The following PTPN2 variants were observed in gnomAD, a reference collection of about 807,000 sequenced individuals.
PTPN2 encodes protein tyrosine phosphatase non-receptor type 2, also known as tyrosine-protein phosphatase non-receptor type 2.
Under a neutral mutation model 57.3 loss-of-function variants are expected in PTPN2, and 19 were observed. The ratio of observed to expected loss-of-function variants is 0.33; its 90% confidence interval spans 0.23 to 0.49. The LOEUF is 0.49. PTPN2 is among the 20% of genes least tolerant of loss of function. The pLI is 0.99. For missense variants in PTPN2, 358 were observed against 501.1 expected (o/e 0.71, Z 2.73); for synonymous variants, 153 against 164.9 (o/e 0.93, Z 0.55).
Position 12,851,433 on chromosome 18 carries a change from T to C in PTPN2, c.160+7731A>G, listed in dbSNP as rs1384875123. On this transcript the variant is annotated intron_variant, in intron 2 of 8. Transcript: ENST00000309660. ...GGCGGAGCTTGCAGTGAGCCGAGAT[T>C]GCGCCACTGCAGTCCGCAGTCCGGC... Among the ~76,000 whole-genome samples, 2 of 8,926 alleles carry C rather than the reference T, an allele frequency of 2.2e-4. 1 individual carries two copies. The highest frequency in any genetic ancestry group is 9.6e-4 in the Non-Finnish European group (2 of 2,080). 5.9% of individuals were successfully genotyped at this position (8,926 alleles called of 152,430 possible).
At chr18:12,844,403 C>T (rs1179945250) in intron 2 of PTPN2, among the ~76,000 whole-genome samples, 4 of 152,196 alleles carry the variant, frequency 2.6e-5, no homozygotes, top group Admixed American at 2.0e-4. Flanking sequence ...TTCCCACCAC[C>T]CATATATGAG....
rs1598871527 is a variant in PTPN2 at position 12,862,924 on chromosome 18, G to A, written c.70-3670C>T. On this transcript the variant is annotated intron_variant, in intron 1 of 8. Coordinates refer to ENST00000309660, the MANE Select transcript of PTPN2 (RefSeq NM_002828.4). ...TAGCTAAATCAGGTCTGTAATATACGCAGCAAAACCAAATCTCAACAGCAA... is the reference window on the plus strand; with the variant it reads ...TAGCTAAATCAGGTCTGTAATATACACAGCAAAACCAAATCTCAACAGCAA... Among the ~76,000 whole-genome samples, 7 of 133,782 alleles carry A rather than the reference G, an allele frequency of 5.2e-5. No homozygotes were observed. The South Asian group carries it at 1.5e-3, about 28-fold the overall frequency. The allele number at this position is 133,782 out of a possible 152,430, so 87.8% of individuals were successfully genotyped here.
chr18:12,844,533 T>A (rs1056353232), intron 2 of PTPN2, among the ~76,000 whole-genome samples: 2 of 152,210 alleles, frequency 1.3e-5, no homozygotes, highest in African/African-American at 4.8e-5. Context: ...GCTAATGAAG[T>A]TTTTTATATG....
chr18:12,859,247 C>T lies in PTPN2; in HGVS notation c.77G>A (p.Arg26Gln). 6.2e-7 allele frequency: 1 copy of T among 1,607,630 alleles called. No individual in the cohort carries two copies. Among genetic ancestry groups the T allele is most frequent in the Non-Finnish European group, 8.5e-7 (1 of 1,176,202 alleles). ...RRWQPLYLEI[R>Q]NESHDYPHRV... ...ATGAGGATAGTCATGGGACTCATTT[C>T]GAATTTCCTTAAAATAACAAAAATA... The change falls in exon 2 of 9, where the codon CGA (arginine) becomes CAA (glutamine). Residue 26 changes from arginine to glutamine, a missense_variant. Physicochemically the swap from Arg to Gln is conservative, Grantham distance 43 (BLOSUM62 1). This residue lies in a region of PTPN2 where 62 missense variants were observed against 47.9 expected (regional missense o/e 1.29). Coordinates refer to ENST00000309660, the MANE Select transcript of PTPN2 (RefSeq NM_002828.4).
At chr18:12,860,171 CCCAGCTACT>C (rs2043745366) in intron 1 of PTPN2, among the ~76,000 whole-genome samples, 2 of 152,116 alleles carry the variant, frequency 1.3e-5, no homozygotes, top group Non-Finnish European at 2.9e-5. Context: ...TGCCTGTAAT[CCCAGCTACT>C]CGGGAGGCTG....
chr18:12,805,345 C>T (rs1598748175), intron 7 of PTPN2, among the ~76,000 whole-genome samples: 1 of 151,596 alleles, frequency 6.6e-6, no homozygotes, highest in Admixed American at 6.6e-5. Flanking sequence ...TAATCCCAGC[C>T]ACTCAGGTGG....
intron 5 of PTPN2, chr18:12,821,257 A>C (rs1330552045): frequency 1.3e-5 from 2 of 152,226 alleles, no homozygotes; most frequent in Admixed American, 6.5e-5. Context: ...TAAAACAATT[A>C]ATGTGAAGTG....
intron 1 of PTPN2, among the ~76,000 whole-genome samples, chr18:12,860,336 T>G (rs1307241023): frequency 6.7e-6 from 1 of 149,664 alleles, no homozygotes; most frequent in Non-Finnish European, 1.5e-5. Flanking sequence ...CGGTGGCTCA[T>G]GCCTGTAATC....
chr18:12,813,485 G>A (rs979544330), intron 7 of PTPN2, among the ~76,000 whole-genome samples: 2 of 152,138 alleles, frequency 1.3e-5, no homozygotes, highest in African/African-American at 2.4e-5. Context: ...CCAATGGTCC[G>A]ATCTAATTTA....
intron 1 of PTPN2, chr18:12,880,383 G>A (rs2044629851): frequency 6.6e-6 from 1 of 152,220 alleles, no homozygotes; most frequent in South Asian, 2.1e-4. Context: ...CCGTTCAAGG[G>A]TTTAAGTGAG....
At chr18:12,849,721 A>G (rs149807684) in intron 2 of PTPN2, among the ~76,000 whole-genome samples, 160 of 152,214 alleles carry the variant, frequency 1.1e-3, no homozygotes, top group African/African-American at 3.7e-3. Context: ...ATTCACTTGC[A>G]TTATTATGAA....
chr18:12,790,997 T>A (rs2040970435), downstream of PTPN2, among the ~76,000 whole-genome samples: 1 of 152,176 alleles, frequency 6.6e-6, no homozygotes, highest in Non-Finnish European at 1.5e-5. Flanking sequence ...TGGTCTAAAG[T>A]CCTCCATGTG....
intron 1 of PTPN2, among the ~76,000 whole-genome samples, chr18:12,867,503 T>C (rs2044034241): frequency 6.6e-6 from 1 of 152,198 alleles, no homozygotes; most frequent in African/African-American, 2.4e-5. Context: ...CTCTTTCAGA[T>C]GTACCTCAAA....
At chr18:12,806,372 T>C (rs1486138341) in intron 7 of PTPN2, among the ~76,000 whole-genome samples, 5 of 152,162 alleles carry the variant, frequency 3.3e-5, no homozygotes, top group Non-Finnish European at 7.4e-5. Flanking sequence ...AAAATGTCCA[T>C]ACTACATAAA....
In PTPN2 at chr18:12,871,137, C is replaced by A. The variant is rs183559513; in HGVS notation, c.70-11883G>T. On this transcript the variant is annotated intron_variant, in intron 1 of 8. Coordinates refer to ENST00000309660, the MANE Select transcript of PTPN2 (RefSeq NM_002828.4). ...TTTCACTTAGTATATATTAAAAGTA[C>A]TTCCATATAGATAATGAGTTCTTTT... 2.6e-5 allele frequency among the ~76,000 whole-genome samples: 4 copies of A among 152,278 alleles called. No homozygotes were observed. The East Asian group carries it at 7.7e-4, about 29-fold the overall frequency.
rs776889402 is a variant in PTPN2, at chr18:12,884,056, G to A, written c.69+17C>T. Reference sequence around the variant, plus strand: ...CTCGGAGGAGGTCGGCGACTGCCGCGTGGGTCCGCGACTCACCAAGTACAG... The same window carrying A: ...CTCGGAGGAGGTCGGCGACTGCCGCATGGGTCCGCGACTCACCAAGTACAG... On this transcript the variant is annotated intron_variant, in intron 1 of 8. Transcript: ENST00000309660. The A allele has an allele frequency of 3.8e-6, 6 of 1,562,738 alleles. No homozygotes were observed. The highest frequency in any genetic ancestry group is 5.2e-6 in the Non-Finnish European group (6 of 1,155,478).
chr18:12,858,671 T>C (rs535547872), intron 2 of PTPN2, among the ~76,000 whole-genome samples: 7 of 152,324 alleles, frequency 4.6e-5, no homozygotes, highest in African/African-American at 1.7e-4. Context: ...CTCCAAAGAA[T>C]ATAAACCCAA....
intron 8 of PTPN2, among the ~76,000 whole-genome samples, chr18:12,799,190 G>A (rs778277635): frequency 1.4e-4 from 21 of 151,980 alleles, no homozygotes; most frequent in Non-Finnish European, 2.5e-4. Context: ...AGGCTGAGGC[G>A]GGAGGATCAC....
At chr18:12,855,207 G>A (rs996535902) in intron 2 of PTPN2, among the ~76,000 whole-genome samples, 1 of 152,184 alleles carries the variant, frequency 6.6e-6, no homozygotes, top group African/African-American at 2.4e-5. Flanking sequence ...GGGGAGGGTG[G>A]AGAGACAAAT....
Sources: gnomAD v4.1 joint callset for allele counts (sites outside exome capture counted in the v4.1 genomes callset) on GRCh38, gnomAD v4.1.1 for gene constraint, gnomAD v4.1.1 regional missense constraint, MANE v1.5 for transcripts, NCBI Gene and HGNC (gene_info 2026-07-23, HGNC 2026-07-21) for gene names.